Variants in RMI1 observed in about 807,000 individuals in gnomAD.
The protein encoded by RMI1 is recQ-mediated genome instability protein 1.
In RMI1, 36 loss-of-function variants were observed where a neutral mutation model predicts 46.7. The ratio of observed to expected loss-of-function variants is 0.77; its 90% CI spans 0.59 to 1.02. The LOEUF is 1.02. Among genes scored for constraint, RMI1 ranks in the 50% least tolerant of loss-of-function variants. The probability of loss-of-function intolerance (pLI) is 0.00; values close to 1 mark genes in which losing one functional copy is unlikely to be tolerated. For synonymous variants in RMI1, 250 were observed against 252.9 expected (o/e 0.99, Z 0.11); for missense variants, 676 against 713.7 (o/e 0.95, Z 0.60).
chr9:84,001,035 G>A lies in RMI1; in HGVS notation c.49G>A (p.Ala17Thr), dbSNP rs1957728718. The A allele has an allele frequency of 6.2e-7, 1 of 1,613,448 alleles. No homozygotes were observed. The highest frequency in any genetic ancestry group is 2.2e-5 in the East Asian group (1 of 44,890). Reference sequence around the variant, plus strand: ...AAGAGCTGAAACTTGGCTTTTAGCTGCATGGCATGTTAAAGTACCTCCGAT... The same window carrying A: ...AAGAGCTGAAACTTGGCTTTTAGCTACATGGCATGTTAAAGTACCTCCGAT... ...ALRAETWLLA[A>T]WHVKVPPMWL... The change falls in exon 3 of 3, where the codon GCA (alanine) becomes ACA (threonine). Residue 17 changes from alanine (A) to threonine (T), a missense_variant. Coordinates refer to ENST00000445877, the MANE Select transcript of RMI1 (RefSeq NM_001358291.2).
chr9:83,989,963 G>T (rs1293485519), intron 1 of RMI1, among the ~76,000 whole-genome samples: 1 of 152,160 alleles, frequency 6.6e-6, no homozygotes, highest in Non-Finnish European at 1.5e-5. Context: ...CAGACGAATG[G>T]ATAAAGAAAA....
intron 1 of RMI1, among the ~76,000 whole-genome samples, chr9:83,991,111 T>C (rs904099799): frequency 2.6e-5 from 4 of 152,086 alleles, no homozygotes; most frequent in East Asian, 1.9e-4. Context: ...CTGGACGATA[T>C]TTGTTTTCTT....
chr9:83,989,533 A>G (rs1564080144), intron 1 of RMI1, among the ~76,000 whole-genome samples: 1 of 152,230 alleles, frequency 6.6e-6, no homozygotes, highest in Non-Finnish European at 1.5e-5. Context: ...ATCTGAATAG[A>G]CATTTCACAA....
At chr9:83,998,888 C>T (rs992355386) in intron 1 of RMI1, among the ~76,000 whole-genome samples, 3 of 152,192 alleles carry the variant, frequency 2.0e-5, no homozygotes, top group Non-Finnish European at 4.4e-5. Flanking sequence ...CACCTGTAAT[C>T]CCAGGACTTT....
At chr9:83,988,645 C>T (rs774860278) in intron 1 of RMI1, among the ~76,000 whole-genome samples, 3 of 152,216 alleles carry the variant, frequency 2.0e-5, no homozygotes, top group African/African-American at 7.2e-5. Flanking sequence ...TTCTTTTCCA[C>T]GGTGGCTGTG....
chr9:83,983,940 A>G (rs1302079248), intron 1 of RMI1, among the ~76,000 whole-genome samples: 1 of 152,116 alleles, frequency 6.6e-6, no homozygotes, highest in African/African-American at 2.4e-5. Context: ...TAAAGATTTC[A>G]TAGCTTTTCA....
intron 1 of RMI1, among the ~76,000 whole-genome samples, chr9:83,996,552 T>G (rs1461639069): frequency 6.6e-6 from 1 of 152,224 alleles, no homozygotes; most frequent in African/African-American, 2.4e-5. Flanking sequence ...AATATTTAAA[T>G]TTTTGTCTAG....
rs11540577 is a variant in RMI1, at chr9:84,003,931, A to G, written c.*1067A>G. ...TTAAGTACTGATTTTTTTTTAAAAA[A>G]AAGAGGGACTGTTTACCATTCTTCC... On this transcript the variant is annotated 3_prime_UTR_variant, in exon 3 of 3. Transcript: ENST00000445877. 0.033 allele frequency: 5,478 copies of G among 166,414 alleles called. 306 individuals carry two copies. The highest frequency in any genetic ancestry group is 0.12 in the African/African-American group (4,942 of 41,512). The allele number at this position is 166,414 out of a possible 1,614,324, so 10.3% of individuals were successfully genotyped here.
chr9:83,987,955 G>T (rs1189274560), intron 1 of RMI1, among the ~76,000 whole-genome samples: 1 of 151,906 alleles, frequency 6.6e-6, no homozygotes, highest in East Asian at 1.9e-4. Flanking sequence ...GTGCAAACAC[G>T]GCTCACTGCA....
At chr9:83,984,701 A>T (rs1319751605) in intron 1 of RMI1, among the ~76,000 whole-genome samples, 3 of 151,870 alleles carry the variant, frequency 2.0e-5, no homozygotes, top group Non-Finnish European at 4.4e-5. Flanking sequence ...AGCTGGGATT[A>T]CAGGCATGCG....
chr9:83,981,534 C>T (rs1488756585), intron 1 of RMI1, among the ~76,000 whole-genome samples: 2 of 152,180 alleles, frequency 1.3e-5, no homozygotes, highest in African/African-American at 2.4e-5. Flanking sequence ...TCATGACTTC[C>T]TTTGTTAAGG....
At chr9:83,982,139 T>C (rs1022638059) in intron 1 of RMI1, among the ~76,000 whole-genome samples, 3 of 152,230 alleles carry the variant, frequency 2.0e-5, no homozygotes, top group Admixed American at 2.0e-4. Context: ...TGAGTTTATG[T>C]AGGGGCTTAG....
upstream of RMI1, chr9:83,980,737 A>AG (rs1170343419): frequency 5.1e-4 from 78 of 152,270 alleles, no homozygotes; most frequent in African/African-American, 1.8e-3. Context: ...CCAGCCCCGA[A>AG]GGAGTCCTTT....
At chr9:83,984,709 G>A (rs886064569) in intron 1 of RMI1, among the ~76,000 whole-genome samples, 2 of 151,686 alleles carry the variant, frequency 1.3e-5, no homozygotes, top group Admixed American at 1.3e-4. Context: ...TTACAGGCAT[G>A]CGCCACCAGG....
chr9:83,997,338 C>T (rs1168139230), intron 1 of RMI1, among the ~76,000 whole-genome samples: 4 of 151,518 alleles, frequency 2.6e-5, no homozygotes, highest in South Asian at 2.1e-4. Context: ...CTCGAACTCT[C>T]GACCTCAGGT....
rs769434409 is a variant in RMI1, at chr9:84,002,243, G to T, written c.1257G>T (p.Lys419Asn). 8 of 1,605,846 alleles carry T rather than the reference G, an allele frequency of 5.0e-6. No individual in the cohort carries two copies. The highest frequency in any genetic ancestry group is 1.1e-5 in the South Asian group (1 of 89,778). Residue 419 changes from lysine to asparagine, a missense_variant, in exon 3 of 3, where the codon AAG (lysine) becomes AAT (asparagine). By Grantham distance (94) the Lys-to-Asn change is moderately conservative. Coordinates refer to ENST00000445877, the MANE Select transcript of RMI1 (RefSeq NM_001358291.2). ...PLAHDFTNKE[K>N]NLETDNKIKQ... Reference sequence around the variant, plus strand: ...CCCATGATTTTACAAATAAAGAAAAGAACTTAGAGACAGATAATAAAATAA... The same window carrying T: ...CCCATGATTTTACAAATAAAGAAAATAACTTAGAGACAGATAATAAAATAA...
rs769389375 is a variant in RMI1, at chr9:84,002,783, C to G, written c.1797C>G (p.Ser599=). ...TAATGACTATTTCATTTAATCCTTCCTTGTCTAAAGCAATGGTACTGGCAT... is the reference window on the plus strand; with the variant it reads ...TAATGACTATTTCATTTAATCCTTCGTTGTCTAAAGCAATGGTACTGGCAT... ...CCLMTISFNP[S]LSKAMVLALQ... Residue 599 remains serine, a synonymous_variant, in exon 3 of 3, where the codon TCC becomes TCG. Transcript: ENST00000445877. The G allele has an allele frequency of 6.2e-7, 1 of 1,612,222 alleles. No homozygotes were observed. Among genetic ancestry groups the G allele is most frequent in the South Asian group, 1.1e-5 (1 of 91,038 alleles).
upstream of RMI1, chr9:83,980,748 G>C (rs1957358173): frequency 6.6e-6 from 1 of 152,358 alleles, no homozygotes; most frequent in Non-Finnish European, 1.5e-5. Context: ...GGAGTCCTTT[G>C]GGGTTGGAGG....
chr9:83,989,624 A>G (rs1300929140), intron 1 of RMI1, among the ~76,000 whole-genome samples: 1 of 151,652 alleles, frequency 6.6e-6, no homozygotes, highest in East Asian at 1.9e-4. Context: ...CAAAACCACA[A>G]TGAGATATCG....
Sources: allele counts gnomAD v4.1 joint callset (sites outside exome capture counted in the v4.1 genomes callset), GRCh38; gene constraint gnomAD v4.1.1; transcripts MANE v1.5; gene names NCBI Gene and HGNC (gene_info 2026-07-23, HGNC 2026-07-21).